The following TAS2R1 variants were observed in gnomAD, a reference collection of about 807,000 sequenced individuals.
The protein encoded by TAS2R1 is taste receptor type 2 member 1.
For missense variants in TAS2R1, 370 were observed against 353.4 expected (o/e 1.05, Z -0.38); for synonymous variants, 141 against 134.2 (o/e 1.05, Z -0.35).
At chr5:9,717,338 T>C (rs1025087288), upstream of TAS2R1, among the ~76,000 whole-genome samples, 1 of 150,870 alleles carries the variant, frequency 6.6e-6, no homozygotes, top group Non-Finnish European at 1.5e-5. Flanking sequence ...GAAGGGGGAA[T>C]AAGGAGCCTG....
chr5:9,697,844 G>A (rs984071658), intron 1 of TAS2R1, among the ~76,000 whole-genome samples: 3 of 151,412 alleles, frequency 2.0e-5, no homozygotes, highest in African/African-American at 7.3e-5. Flanking sequence ...AATAATCATT[G>A]TTATTATTTT....
At chr5:9,760,421 T>C in the TAS2R1 span, among the ~76,000 whole-genome samples, 17 of 152,180 alleles carry the variant, frequency 1.1e-4, no homozygotes, top group Non-Finnish European at 2.1e-4. Flanking sequence ...ACATTTGTCA[T>C]GTACACAGAC....
chr5:9,682,660 C>A (rs979905232), intron 1 of TAS2R1, among the ~76,000 whole-genome samples: 2 of 152,130 alleles, frequency 1.3e-5, no homozygotes, highest in African/African-American at 4.8e-5. Context: ...TTTCACAGGG[C>A]AGATCATGCA....
Position 9,629,500 on chromosome 5 carries a change from G to A in TAS2R1, c.533C>T (p.Ser178Phe), listed in dbSNP as rs1739826418. 6.8e-6 allele frequency: 11 copies of A among 1,614,166 alleles called. No individual in the cohort carries two copies. The highest frequency in any genetic ancestry group is 9.3e-6 in the Non-Finnish European group (11 of 1,180,036). The change falls in exon 1 of 1, where the codon TCT (serine) becomes TTT (phenylalanine). Residue 178 changes from serine (S) to phenylalanine (F), a missense_variant. Ser to Phe is a radical substitution (Grantham distance 155, BLOSUM62 -2). Transcript: ENST00000382492. ...KEDTLAIQIF[S>F]FVAEFSVPLL... Reference sequence around the variant, plus strand: ...TGGCACTGAGAACTCAGCAACAAAAGAGAAAATCTGTATAGCCAGTGTATC... The same window carrying A: ...TGGCACTGAGAACTCAGCAACAAAAAAGAAAATCTGTATAGCCAGTGTATC...
the TAS2R1 span, among the ~76,000 whole-genome samples, chr5:9,833,689 T>G: frequency 6.6e-6 from 1 of 152,182 alleles, no homozygotes. Context: ...CCCATCAGAT[T>G]AGGCAAATCT....
At chr5:9,884,114 T>A in the TAS2R1 span, 4 of 152,090 alleles carry the variant, frequency 2.6e-5, no homozygotes, top group African/African-American at 9.7e-5. Context: ...ACTAACACAC[T>A]CCCAGGATAA....
chr5:9,758,360 T>C, the TAS2R1 span, among the ~76,000 whole-genome samples: 1 of 152,152 alleles, frequency 6.6e-6, no homozygotes, highest in African/African-American at 2.4e-5. Context: ...ATATACAGAA[T>C]TTACAGCTTC....
chr5:9,651,693 T>C (rs1740307690), intron 2 of TAS2R1, among the ~76,000 whole-genome samples: 1 of 152,070 alleles, frequency 6.6e-6, no homozygotes, highest in Non-Finnish European at 1.5e-5. Flanking sequence ...TCCAGCTTTG[T>C]GTAGATCTTG....
Position 9,629,709 on chromosome 5 carries a change from G to A in TAS2R1, c.324C>T (p.Ala108=). Residue 108 remains alanine (A), a synonymous_variant, in exon 1 of 1, where the codon GCC becomes GCT. Coordinates refer to ENST00000382492, the MANE Select transcript of TAS2R1 (RefSeq NM_019599.3). The part of the protein sequence containing the change: ...WLGVFYCAKV[A]SVRHPLFIWL... ...AGATGAAGAGTGGGTGACGGACGCT[G>A]GCAACCTTGGCACAATAGAAAACGC... 6.2e-7 allele frequency: 1 copy of A among 1,614,042 alleles called. No individual in the cohort carries two copies. The highest frequency in any genetic ancestry group is 8.5e-7 in the Non-Finnish European group (1 of 1,180,000).
At chr5:9,783,720 A>C in the TAS2R1 span, among the ~76,000 whole-genome samples, 2 of 152,198 alleles carry the variant, frequency 1.3e-5, no homozygotes, top group African/African-American at 4.8e-5. Context: ...GTGAACACCA[A>C]AACTATTTTT....
chr5:9,896,958 C>T, the TAS2R1 span, among the ~76,000 whole-genome samples: 5 of 152,238 alleles, frequency 3.3e-5, no homozygotes, highest in Non-Finnish European at 5.9e-5. Flanking sequence ...GAATGAATGT[C>T]GATGGTTCAG....
the TAS2R1 span, among the ~76,000 whole-genome samples, chr5:9,752,780 T>A: frequency 2.0e-5 from 3 of 151,064 alleles, no homozygotes; most frequent in South Asian, 2.1e-4. Context: ...TTCCCACCTA[T>A]GAGTGAGAAC....
the TAS2R1 span, among the ~76,000 whole-genome samples, chr5:9,868,879 T>C: frequency 6.6e-6 from 1 of 152,206 alleles, no homozygotes; most frequent in African/African-American, 2.4e-5. Flanking sequence ...GCCACCAGTC[T>C]CTTTGCCTAG....
chr5:9,850,295 G>C, the TAS2R1 span, among the ~76,000 whole-genome samples: 3 of 152,190 alleles, frequency 2.0e-5, no homozygotes, highest in Non-Finnish European at 4.4e-5. Flanking sequence ...GCCTCTTAAA[G>C]CTAGGGTCCA....
upstream of TAS2R1, among the ~76,000 whole-genome samples, chr5:9,633,608 C>A (rs1420370289): frequency 6.6e-6 from 1 of 151,856 alleles, no homozygotes; most frequent in African/African-American, 2.4e-5. Context: ...ACACCAACAT[C>A]TATTATTTTT....
the TAS2R1 span, among the ~76,000 whole-genome samples, chr5:9,781,199 C>T: frequency 6.6e-6 from 1 of 152,192 alleles, no homozygotes; most frequent in South Asian, 2.1e-4. Context: ...GGTAACAACA[C>T]AATTTTTAAA....
chr5:9,660,707 C>G (rs1302565642), intron 1 of TAS2R1, among the ~76,000 whole-genome samples: 1 of 152,144 alleles, frequency 6.6e-6, no homozygotes, highest in African/African-American at 2.4e-5. Context: ...GGCTACATAT[C>G]TTGAGATGGG....
At chr5:9,808,238 G>A in the TAS2R1 span, among the ~76,000 whole-genome samples, 2 of 152,202 alleles carry the variant, frequency 1.3e-5, no homozygotes, top group Non-Finnish European at 2.9e-5. Flanking sequence ...TTCTGATGAA[G>A]TCACAGATGA....
At chr5:9,729,047 T>A in the TAS2R1 span, among the ~76,000 whole-genome samples, 10 of 152,310 alleles carry the variant, frequency 6.6e-5, no homozygotes, top group Middle Eastern at 0.01. Context: ...GTGCCACAGA[T>A]GTGCTTCCAC....
Sources: allele counts gnomAD v4.1 joint callset (sites outside exome capture counted in the v4.1 genomes callset), GRCh38; gene constraint gnomAD v4.1.1; transcripts MANE v1.5; gene names NCBI Gene and HGNC (gene_info 2026-07-23, HGNC 2026-07-21).